Variants in CDHR3 observed in about 807,000 individuals in gnomAD.
The protein encoded by CDHR3 is cadherin related family member 3, also known as cadherin-related family member 3.
A neutral mutation model predicts 86.6 loss-of-function variants in CDHR3; 79 were observed. That is an observed-to-expected ratio of 0.91 (90% CI 0.76 to 1.10). The LOEUF is 1.10. Among genes scored for constraint, CDHR3 ranks in the 50% least tolerant of loss-of-function variants. The pLI, the probability that CDHR3 is intolerant of heterozygous loss-of-function variation, is 0.00. For missense variants in CDHR3, 1,081 were observed against 1,077.6 expected, an observed-to-expected ratio of 1.00 and a Z score of -0.04; for synonymous variants, 421 against 402.4, an observed-to-expected ratio of 1.05 and a Z score of -0.55.
chr7:106,032,406 A>G lies in CDHR3; in HGVS notation c.2367A>G (p.Thr789=), dbSNP rs1385948579. ...GEAIDPVTGE[T]YEFNSKTGAR... is the part of the protein sequence containing the mutation. ...TTTTTTCACTAGTGACCGGGGAAAC[A>G]TATGAATTCAACTCAAAAACTGGAG... The change falls in exon 19 of 19, where the codon ACA becomes ACG. Residue 789 remains threonine (T), a synonymous_variant. Coordinates refer to ENST00000317716, the MANE Select transcript of CDHR3 (RefSeq NM_152750.5). 1.2e-6 allele frequency: 2 copies of G among 1,609,316 alleles called. No homozygotes were observed. The highest frequency in any genetic ancestry group is 1.7e-6 in the Non-Finnish European group (2 of 1,176,812).
At chr7:106,021,042 C>T (rs1018696640) in intron 13 of CDHR3, among the ~76,000 whole-genome samples, 1 of 152,118 alleles carries the variant, frequency 6.6e-6, no homozygotes, top group Non-Finnish European at 1.5e-5. Flanking sequence ...GTAGTGGGGG[C>T]AGGGAATCCC....
intron 10 of CDHR3, among the ~76,000 whole-genome samples, chr7:106,015,707 G>A (rs903386131): frequency 6.6e-6 from 1 of 152,084 alleles, no homozygotes; most frequent in African/African-American, 2.4e-5. Context: ...TCATTCTCCT[G>A]GAAGCTGTTC....
intron 8 of CDHR3, 141 bp downstream of exon 8, chr7:106,004,828 C>G (rs901865650): frequency 2.6e-6 from 2 of 758,872 alleles, no homozygotes; most frequent in African/African-American, 3.6e-5. Context: ...GAACTGTTCA[C>G]TGTTGTCCAC....
chr7:105,974,653 T>G (rs1190258190), intron 1 of CDHR3, among the ~76,000 whole-genome samples, 191 bp from the exon 2 acceptor site: 1 of 152,042 alleles, frequency 6.6e-6, no homozygotes, highest in Non-Finnish European at 1.5e-5. Context: ...TGGTGGTGGT[T>G]GTTTTCTTGG....
At chr7:105,984,687 C>G (rs745466955) in intron 4 of CDHR3, among the ~76,000 whole-genome samples, 1 of 152,142 alleles carries the variant, frequency 6.6e-6, no homozygotes, top group African/African-American at 2.4e-5. Context: ...AAAACCAGCT[C>G]TATTTTAAAA....
intron 6 of CDHR3, among the ~76,000 whole-genome samples, chr7:105,997,938 C>T (rs1410208461): frequency 5.3e-5 from 8 of 150,964 alleles, no homozygotes; most frequent in South Asian, 4.4e-4. Flanking sequence ...ATCTGTGTGA[C>T]GGTCTTTTTT....
At chr7:106,007,063 T>C (rs988395272) in intron 8 of CDHR3, among the ~76,000 whole-genome samples, 1 of 152,236 alleles carries the variant, frequency 6.6e-6, no homozygotes, top group Non-Finnish European at 1.5e-5. Flanking sequence ...CTGGCAAGGC[T>C]TGGGGCTTCC....
At chr7:105,964,492 A>G (rs994790624) in intron 1 of CDHR3, among the ~76,000 whole-genome samples, 2 of 152,048 alleles carry the variant, frequency 1.3e-5, no homozygotes, top group Non-Finnish European at 2.9e-5. Flanking sequence ...CATTCTGACC[A>G]TTATTAAATA....
intron 8 of CDHR3, among the ~76,000 whole-genome samples, chr7:106,008,271 G>A (rs1691658909): frequency 6.6e-6 from 1 of 152,144 alleles, no homozygotes; most frequent in African/African-American, 2.4e-5. Context: ...GTCCTGGAAA[G>A]AGAAGGAGAG....
chr7:105,984,427 T>C, intron 4 of CDHR3, 138 bp downstream of exon 4: 1 of 522,096 alleles, frequency 1.9e-6, no homozygotes, highest in Non-Finnish European at 3.4e-6. Context: ...ACACAGTGTA[T>C]GCAGGATGGT....
intron 1 of CDHR3, among the ~76,000 whole-genome samples, chr7:105,974,483 T>C (rs1828478975): frequency 6.6e-6 from 1 of 151,328 alleles, no homozygotes; most frequent in Non-Finnish European, 1.5e-5. Flanking sequence ...GATGACATTA[T>C]GAGGCAAGTT....
chr7:106,018,561 G>A (rs1018827763), intron 12 of CDHR3, among the ~76,000 whole-genome samples: 2 of 152,256 alleles, frequency 1.3e-5, no homozygotes, highest in Admixed American at 1.3e-4. Flanking sequence ...GCCCAAGTTT[G>A]CGGGTGACTG....
intron 4 of CDHR3, among the ~76,000 whole-genome samples, chr7:105,985,672 AT>A (rs780077825): frequency 1.2e-4 from 19 of 152,286 alleles, no homozygotes; most frequent in Non-Finnish European, 2.5e-4. Context: ...AAAAAAAAAA[AT>A]CACCCATTCA....
intron 8 of CDHR3, among the ~76,000 whole-genome samples, chr7:106,010,520 A>G (rs942273752): frequency 1.3e-5 from 2 of 152,212 alleles, no homozygotes; most frequent in African/African-American, 4.8e-5. Context: ...ATCTTTGCCA[A>G]TGAGGCATCG....
At chr7:105,974,455 G>A (rs1466220517) in intron 1 of CDHR3, among the ~76,000 whole-genome samples, 1 of 152,156 alleles carries the variant, frequency 6.6e-6, no homozygotes, top group Non-Finnish European at 1.5e-5. Context: ...TAAGCTACAG[G>A]GCCCTGGCAA....
intron 4 of CDHR3, among the ~76,000 whole-genome samples, chr7:105,993,677 C>CAAA (rs55787798): frequency 6.2e-4 from 57 of 91,776 alleles, no homozygotes; most frequent in Non-Finnish European, 9.8e-4. Flanking sequence ...CTCTGTCTCA[C>CAAA]AAAAAAAAAA....
chr7:105,985,148 T>C (rs1276334992), intron 4 of CDHR3, among the ~76,000 whole-genome samples: 1 of 152,142 alleles, frequency 6.6e-6, no homozygotes, highest in African/African-American at 2.4e-5. Flanking sequence ...TGATTCAGTC[T>C]GAGACAGCGG....
rs561880978 is a variant in CDHR3, at chr7:105,978,624, A to G, written c.250-2344A>G. ...TTAAATGTGAAATGGAGGAAGTTTT[A>G]CCAACCTATGGTCATTGTGACAATC... On this transcript the variant is annotated intron_variant, in intron 2 of 18. Transcript: ENST00000317716. 8.5e-5 allele frequency among the ~76,000 whole-genome samples: 13 copies of G among 152,244 alleles called. No homozygotes were observed. The East Asian group carries it at 1.5e-3, about 18-fold the overall frequency.
At chr7:106,020,953 A>G (rs1390767466) in intron 13 of CDHR3, among the ~76,000 whole-genome samples, 1 of 152,202 alleles carries the variant, frequency 6.6e-6, no homozygotes, top group Non-Finnish European at 1.5e-5. Context: ...TCCTGACTAC[A>G]GTATGAGTCA....
Sources: gnomAD v4.1 joint callset for allele counts (sites outside exome capture counted in the v4.1 genomes callset) on GRCh38, gnomAD v4.1.1 for gene constraint, MANE v1.5 for transcripts, NCBI Gene and HGNC (gene_info 2026-07-23, HGNC 2026-07-21) for gene names.